The following PDLIM5 variants were observed in gnomAD, a reference collection of about 807,000 sequenced individuals.
PDLIM5 encodes the protein PDZ and LIM domain protein 5.
Under a neutral mutation model 64.2 loss-of-function variants are expected in PDLIM5, and 34 were observed. The observed-to-expected ratio is 0.53, with a 90% confidence interval of 0.40 to 0.71. The LOEUF (loss-of-function observed/expected upper bound fraction) is 0.71, where lower values mean the gene tolerates loss of function less well. Among genes scored for constraint, PDLIM5 ranks in the 30% least tolerant of loss-of-function variants. The probability of loss-of-function intolerance (pLI) is 0.00; values close to 1 mark genes in which losing one functional copy is unlikely to be tolerated. For synonymous variants in PDLIM5, 253 were observed against 269.1 expected, an observed-to-expected ratio of 0.94 and a Z score of 0.59; for missense variants, 683 against 733.6, an observed-to-expected ratio of 0.93 and a Z score of 0.80.
intron 2 of PDLIM5, among the ~76,000 whole-genome samples, chr4:94,461,718 C>T (rs1723898821): frequency 6.6e-6 from 1 of 152,132 alleles, no homozygotes; most frequent in Non-Finnish European, 1.5e-5. Context: ...GAACAGAGTT[C>T]ACCAACCTTG....
chr4:94,598,951 T>G (rs147077801), intron 7 of PDLIM5, among the ~76,000 whole-genome samples: 13 of 152,042 alleles, frequency 8.6e-5, no homozygotes, highest in African/African-American at 3.1e-4. Context: ...GTTGGTGTGT[T>G]TAGGGAACTG....
chr4:94,562,676 T>C (rs1337645729), intron 3 of PDLIM5, among the ~76,000 whole-genome samples: 3 of 152,244 alleles, frequency 2.0e-5, no homozygotes, highest in Non-Finnish European at 4.4e-5. Flanking sequence ...ACATACGTTG[T>C]GACTTGTGTA....
intron 2 of PDLIM5, among the ~76,000 whole-genome samples, chr4:94,514,133 CTTTTTTTTTTTTT>C: frequency 8.7e-6 from 1 of 115,144 alleles, no homozygotes; most frequent in Non-Finnish European, 1.7e-5. Flanking sequence ...CTAGTATTTT[CTTTTTTTTTTTTT>C]TTTTTTGAGA....
intron 6 of PDLIM5, among the ~76,000 whole-genome samples, chr4:94,586,169 AAAAT>A (rs150917165): frequency 1.3e-5 from 2 of 151,542 alleles, no homozygotes; most frequent in Non-Finnish European, 2.9e-5. Context: ...CTCTGTCTCA[AAAAT>A]AAATAAATAA....
Position 94,499,002 on chromosome 4 carries a change from T to C in PDLIM5, c.97-24722T>C, listed in dbSNP as rs1162225715. Among the ~76,000 whole-genome samples, 3 of 152,200 alleles carry C rather than the reference T, an allele frequency of 2.0e-5. No individual in the cohort carries two copies. In the East Asian group the frequency reaches 5.8e-4, roughly 29 times the overall value. On this transcript the variant is annotated intron_variant, in intron 2 of 12. Coordinates refer to ENST00000317968, the MANE Select transcript of PDLIM5 (RefSeq NM_006457.5). ...TGGTAAAAATGTGAATCACAAATTA[T>C]TTTATGGAAGTATTTAGGGTTGGGT... is the stretch of plus-strand genomic sequence containing the variant.
intron 3 of PDLIM5, among the ~76,000 whole-genome samples, chr4:94,550,209 A>C (rs535052646): frequency 1.3e-5 from 2 of 152,266 alleles, no homozygotes; most frequent in Non-Finnish European, 2.9e-5. Context: ...CTTGTCTTAA[A>C]TATTCTTCTC....
intron 3 of PDLIM5, among the ~76,000 whole-genome samples, chr4:94,535,835 CTTTTTTTT>C (rs10590994): frequency 2.4e-5 from 3 of 123,052 alleles, no homozygotes; most frequent in Non-Finnish European, 3.3e-5. Context: ...ATAAGGTCCT[CTTTTTTTT>C]TTTTTTTTTT....
At chr4:94,592,534 A>C (rs2110332272) in intron 7 of PDLIM5, among the ~76,000 whole-genome samples, 1 of 152,358 alleles carries the variant, frequency 6.6e-6, no homozygotes, top group African/African-American at 2.4e-5. Flanking sequence ...GAAGAATCCC[A>C]CAGACTGAAG....
intron 8 of PDLIM5, among the ~76,000 whole-genome samples, 185 bp downstream of exon 8, chr4:94,618,376 G>C (rs559798512): frequency 1.3e-5 from 2 of 152,308 alleles, no homozygotes; most frequent in African/African-American, 4.8e-5. Flanking sequence ...CATTCTTTGT[G>C]TGTATTTGAT....
intron 2 of PDLIM5, among the ~76,000 whole-genome samples, chr4:94,479,389 C>A (rs1725650706): frequency 6.8e-6 from 1 of 147,818 alleles, no homozygotes; most frequent in African/African-American, 2.5e-5. Context: ...TGCAGTGGCA[C>A]AATCGTGGCT....
intron 5 of PDLIM5, chr4:94,583,011 G>A (rs1735861037): frequency 3.8e-6 from 1 of 265,630 alleles, no homozygotes; most frequent in Non-Finnish European, 7.0e-6. Flanking sequence ...AGTTAGAACT[G>A]TAGTTTGGGC....
At chr4:94,549,240 T>C (rs1406441295) in intron 3 of PDLIM5, among the ~76,000 whole-genome samples, 1 of 151,978 alleles carries the variant, frequency 6.6e-6, no homozygotes, top group African/African-American at 2.4e-5. Context: ...TGTGAGGGGG[T>C]TCTATATGGA....
Position 94,487,170 on chromosome 4 carries a change from G to T in PDLIM5, c.96+31786G>T, listed in dbSNP as rs540154054. 4.6e-5 allele frequency among the ~76,000 whole-genome samples: 7 copies of T among 152,058 alleles called. No individual in the cohort carries two copies. The East Asian group carries it at 1.2e-3, about 25-fold the overall frequency. On this transcript the variant is annotated intron_variant, in intron 2 of 12. Coordinates refer to ENST00000317968, the MANE Select transcript of PDLIM5 (RefSeq NM_006457.5). ...GAAAATAACAACTATTCTTTTTTGG[G>T]TTTTTTGCTATGGGCAGCTGAATGT...
chr4:94,575,550 T>C (rs1233399073), intron 4 of PDLIM5, 66 bp from the exon 5 acceptor site: 10 of 1,122,836 alleles, frequency 8.9e-6, no homozygotes, highest in Non-Finnish European at 1.3e-5. Flanking sequence ...CTGTGTTCTT[T>C]TCGGTGAAAT....
intron 3 of PDLIM5, among the ~76,000 whole-genome samples, chr4:94,538,286 TTTGAGTA>T (rs33979005): frequency 0.23 from 34,783 of 151,858 alleles, 4,239 homozygotes; most frequent in African/African-American, 0.31. Context: ...CATGGTTAAG[TTTGAGTA>T]TTGAGAACAG....
chr4:94,585,886 C>A (rs1333991709), intron 6 of PDLIM5, 149 bp downstream of exon 6: 2 of 605,232 alleles, frequency 3.3e-6, no homozygotes, highest in Admixed American at 5.9e-5. Flanking sequence ...TAAATAAGAC[C>A]CCAGGCCGGG....
chr4:94,525,166 C>G lies in PDLIM5; in HGVS notation c.248+1291C>G, dbSNP rs989843133. Among the ~76,000 whole-genome samples the G allele has an allele frequency of 2.0e-5, 3 of 152,056 alleles. No homozygotes were observed. In the East Asian group the frequency reaches 5.8e-4, roughly 29 times the overall value. On this transcript the variant is annotated intron_variant, in intron 3 of 12. Coordinates refer to ENST00000317968, the MANE Select transcript of PDLIM5 (RefSeq NM_006457.5). ...GGGCGCTGTGGCTCACGCCTGTAAT[C>G]CCAGTACTTTGGGAGGCTGAGGTGG...
chr4:94,564,170 G>A (rs1447288669), intron 3 of PDLIM5, among the ~76,000 whole-genome samples: 1 of 151,920 alleles, frequency 6.6e-6, no homozygotes. Flanking sequence ...CACCATGTTG[G>A]CCAGGGTGGT....
intron 8 of PDLIM5, among the ~76,000 whole-genome samples, chr4:94,625,560 C>T (rs988273471): frequency 8.6e-5 from 13 of 151,692 alleles, no homozygotes; most frequent in Non-Finnish European, 1.5e-4. Context: ...TCACGCCATT[C>T]TCCTGCCTCA....
Sources: gnomAD v4.1 joint callset for allele counts (sites outside exome capture counted in the v4.1 genomes callset) on GRCh38, gnomAD v4.1.1 for gene constraint, MANE v1.5 for transcripts, NCBI Gene and HGNC (gene_info 2026-07-23, HGNC 2026-07-21) for gene names.